LMO7: variants seen among roughly 807,000 people sequenced by gnomAD.
The protein encoded by LMO7 is LIM domain 7.
A neutral mutation model predicts 206.5 loss-of-function variants in LMO7; 120 were observed. That is an observed-to-expected ratio of 0.58 (90% CI 0.50 to 0.68). The LOEUF is 0.68. LMO7 is among the 30% of genes least tolerant of loss of function. LMO7 has a pLI of 0.00. For synonymous variants in LMO7, 706 were observed against 681.5 expected (o/e 1.04, Z -0.56); for missense variants, 1,959 against 1,957.9 (o/e 1.00, Z -0.01).
At chr13:75,823,910 G>A in intron 15 of LMO7, 37 bp downstream of exon 15, 2 of 1,536,490 alleles carry the variant, frequency 1.3e-6, no homozygotes, top group Non-Finnish European at 1.8e-6. Context: ...CTGTGGCTCA[G>A]ACACTTACAC....
At chr13:75,825,883 G>C (rs559838538) in intron 15 of LMO7, among the ~76,000 whole-genome samples, 1 of 152,206 alleles carries the variant, frequency 6.6e-6, no homozygotes, top group Admixed American at 6.5e-5. Flanking sequence ...GCATGTGGCT[G>C]ATCATCTAAA....
chr13:75,700,624 T>C (rs2137894885), intron 1 of LMO7, among the ~76,000 whole-genome samples: 3 of 152,050 alleles, frequency 2.0e-5, no homozygotes, highest in African/African-American at 7.3e-5. Flanking sequence ...TCACTACTCT[T>C]TGTGCTTTGG....
rs537640729 is a variant in LMO7, at chr13:75,805,568, A to G, written c.1004A>G (p.Lys335Arg). The change falls in exon 9 of 31, where the codon AAA becomes AGA. Residue 335 changes from lysine (K) to arginine (R), a missense_variant. Transcript: ENST00000377534. ...TCCTCTTGTTATTTGGAAGAGGAAA[A>G]AGCAAAGACAAGAAGCATACCCAAC... ...SKSSCYLEEE[K>R]AKTRSIPNIV... The G allele has an allele frequency of 1.9e-5, 31 of 1,614,046 alleles. 1 individual carries two copies. The highest frequency in any genetic ancestry group is 3.3e-4 in the Middle Eastern group (2 of 6,062).
chr13:75,693,264 A>G (rs188352229), intron 1 of LMO7, among the ~76,000 whole-genome samples: 1 of 152,376 alleles, frequency 6.6e-6, no homozygotes, highest in African/African-American at 2.4e-5. Flanking sequence ...AAACAACCAC[A>G]TTTTGATAAA....
At chr13:75,822,955 A>G (rs989435399) in intron 14 of LMO7, among the ~76,000 whole-genome samples, 2 of 151,854 alleles carry the variant, frequency 1.3e-5, no homozygotes, top group Admixed American at 1.3e-4. Context: ...GTGACAGAAC[A>G]TTTCAAACAA....
chr13:75,779,248 A>G (rs192235395), intron 4 of LMO7, among the ~76,000 whole-genome samples: 3 of 152,292 alleles, frequency 2.0e-5, no homozygotes, highest in Admixed American at 1.3e-4. Flanking sequence ...AGAGATAATG[A>G]CAGTGGCATT....
chr13:75,626,449 C>T (rs534416797), intron 2 of LMO7, among the ~76,000 whole-genome samples: 46 of 150,718 alleles, frequency 3.1e-4, no homozygotes, highest in Admixed American at 1.7e-3. Context: ...AAAAACCGGC[C>T]CACATGATTC....
intron 28 of LMO7, among the ~76,000 whole-genome samples, 162 bp downstream of exon 28, chr13:75,853,550 A>G (rs914379329): frequency 6.6e-6 from 1 of 152,248 alleles, no homozygotes; most frequent in Non-Finnish European, 1.5e-5. Context: ...GGCTTGCTTA[A>G]TACCATTCCA....
At chr13:75,723,200 A>T (rs2044169208) in intron 2 of LMO7, among the ~76,000 whole-genome samples, 1 of 139,528 alleles carries the variant, frequency 7.2e-6, no homozygotes, top group Non-Finnish European at 1.6e-5. Flanking sequence ...GATTAAAAAA[A>T]AACCCAAAAT....
intron 1 of LMO7, among the ~76,000 whole-genome samples, chr13:75,667,598 G>A (rs1044362723): frequency 3.3e-5 from 5 of 151,940 alleles, no homozygotes; most frequent in African/African-American, 1.2e-4. Flanking sequence ...CTTGGGTTTG[G>A]TTCTTATTTT....
At chr13:75,727,587 T>C (rs927054948) in intron 3 of LMO7, among the ~76,000 whole-genome samples, 10 of 152,186 alleles carry the variant, frequency 6.6e-5, no homozygotes, top group Middle Eastern at 3.4e-3. Flanking sequence ...TTTAGATAAA[T>C]GGTAGCACAT....
At chr13:75,655,479 T>C (rs1445172296) in intron 1 of LMO7, among the ~76,000 whole-genome samples, 1 of 152,042 alleles carries the variant, frequency 6.6e-6, no homozygotes, top group Non-Finnish European at 1.5e-5. Context: ...CAACTTCTTT[T>C]GTTTGCATTT....
At chr13:75,850,099 C>T (rs1013292833) in intron 27 of LMO7, among the ~76,000 whole-genome samples, 5 of 151,898 alleles carry the variant, frequency 3.3e-5, no homozygotes, top group African/African-American at 1.2e-4. Context: ...GCCTGGATGA[C>T]GGAGCAAGAG....
intron 12 of LMO7, among the ~76,000 whole-genome samples, chr13:75,817,789 C>G (rs2057187900): frequency 6.6e-6 from 1 of 151,984 alleles, no homozygotes; most frequent in Admixed American, 6.6e-5. Flanking sequence ...ATAATATGAA[C>G]CAAAATGAAA....
In LMO7 at chr13:75,807,207, C is replaced by G. The variant is rs1426313588; in HGVS notation, c.1197-273C>G. The G allele has an allele frequency of 1.8e-5, 7 of 394,394 alleles. No individual in the cohort carries two copies. In the Admixed American group the frequency reaches 2.3e-4, roughly 13 times the overall value. The allele number at this position is 394,394 out of a possible 1,614,324, so 24.4% of individuals were successfully genotyped here. Reference sequence around the variant, plus strand: ...CTGGGAGGGGTACCTAGTCCATGCTCCAGCCCCATCCGTGGCCTCCATGGT... The same window carrying G: ...CTGGGAGGGGTACCTAGTCCATGCTGCAGCCCCATCCGTGGCCTCCATGGT... On this transcript the variant is annotated intron_variant, in intron 9 of 30. Transcript: ENST00000377534.
At chr13:75,847,379 T>C (rs914587762) in intron 26 of LMO7, among the ~76,000 whole-genome samples, 7 of 152,212 alleles carry the variant, frequency 4.6e-5, no homozygotes, top group Non-Finnish European at 7.3e-5. Context: ...AATTCAACAT[T>C]CAAATTATAG....
chr13:75,816,467 C>T (rs2138184114), intron 11 of LMO7, among the ~76,000 whole-genome samples: 2 of 152,352 alleles, frequency 1.3e-5, no homozygotes, highest in South Asian at 4.1e-4. Context: ...CAACACCCCA[C>T]TCTGTTCATT....
chr13:75,728,400 C>G (rs1212118649), intron 3 of LMO7, among the ~76,000 whole-genome samples: 7 of 152,098 alleles, frequency 4.6e-5, no homozygotes, highest in Non-Finnish European at 1.0e-4. Flanking sequence ...TTTCATGTGT[C>G]TTTTGGCTGC....
At chr13:75,725,029 T>G (rs2138526418) in intron 2 of LMO7, among the ~76,000 whole-genome samples, 1 of 152,304 alleles carries the variant, frequency 6.6e-6, no homozygotes, top group Middle Eastern at 3.4e-3. Context: ...AGGGAAGTGT[T>G]AATTAACTCA....
Sources: allele counts gnomAD v4.1 joint callset (sites outside exome capture counted in the v4.1 genomes callset), GRCh38; gene constraint gnomAD v4.1.1; transcripts MANE v1.5; gene names NCBI Gene and HGNC (gene_info 2026-07-23, HGNC 2026-07-21).